The following ATF6 variants were observed in gnomAD, a reference collection of about 807,000 sequenced individuals.
ATF6 encodes cyclic AMP-dependent transcription factor ATF-6 alpha.
In ATF6, 53 loss-of-function variants were observed where a neutral mutation model predicts 83.6. The ratio of observed to expected loss-of-function variants is 0.63; its 90% CI spans 0.51 to 0.80. The LOEUF (loss-of-function observed/expected upper bound fraction) is 0.80, where lower values mean the gene tolerates loss of function less well. ATF6 is among the 30% of genes least tolerant of loss of function. ATF6 has a pLI of 0.00. For missense variants in ATF6, 744 were observed against 797.9 expected (o/e 0.93, Z 0.81); for synonymous variants, 288 against 285.8 (o/e 1.01, Z -0.08).
chr1:161,947,410 T>C (rs1688769134), intron 15 of ATF6, among the ~76,000 whole-genome samples: 1 of 152,222 alleles, frequency 6.6e-6, no homozygotes, highest in Non-Finnish European at 1.5e-5. Context: ...TGTTAAACTT[T>C]AGCCGGATTC....
chr1:161,880,535 C>T (rs1057365517), intron 14 of ATF6, among the ~76,000 whole-genome samples: 3 of 152,046 alleles, frequency 2.0e-5, no homozygotes, highest in African/African-American at 7.2e-5. Flanking sequence ...ATAAAGGGAT[C>T]TTAATTATAT....
chr1:161,814,296 ATTC>A, intron 7 of ATF6, among the ~76,000 whole-genome samples: 1 of 152,280 alleles, frequency 6.6e-6, no homozygotes, highest in Admixed American at 6.5e-5. Flanking sequence ...GGGTCCCTCT[ATTC>A]TTCAAGAGGC....
At chr1:161,831,219 G>T (rs1686052092) in intron 9 of ATF6, among the ~76,000 whole-genome samples, 1 of 152,232 alleles carries the variant, frequency 6.6e-6, no homozygotes, top group African/African-American at 2.4e-5. Flanking sequence ...GGCCATCAGA[G>T]AAATGCAAAT....
chr1:161,914,153 A>G (rs1342865768), intron 15 of ATF6, among the ~76,000 whole-genome samples: 1 of 152,208 alleles, frequency 6.6e-6, no homozygotes, highest in African/African-American at 2.4e-5. Context: ...TTCAAGAAAT[A>G]TTGATTGAAT....
chr1:161,828,692 T>C (rs1432544913), intron 9 of ATF6, among the ~76,000 whole-genome samples: 8 of 152,190 alleles, frequency 5.3e-5, no homozygotes, highest in Non-Finnish European at 7.3e-5. Flanking sequence ...GATAATTCTT[T>C]ACTCAAAGCC....
In ATF6 at chr1:161,958,552, C is replaced by A. The variant is rs1012667753; in HGVS notation, c.1911C>A (p.Leu637=). Residue 637 remains leucine (L), a synonymous_variant, in exon 16 of 16, where the codon CTC becomes CTA. Transcript: ENST00000367942. ...AAAGTTCGTCAGTTCCTCCTTACCT[C>A]CGAGATCAGCAGAGGAATCAAACCA... ...HIKSSSVPPY[L]RDQQRNQTNT... is the part of the protein sequence containing the mutation. 2 of 1,614,030 alleles carry A rather than the reference C, an allele frequency of 1.2e-6. No individual in the cohort carries two copies. The highest frequency in any genetic ancestry group is 2.7e-5 in the African/African-American group (2 of 74,920).
At chr1:161,850,112 C>G (rs1045240924) in intron 10 of ATF6, among the ~76,000 whole-genome samples, 3 of 152,102 alleles carry the variant, frequency 2.0e-5, no homozygotes, top group African/African-American at 7.2e-5. Flanking sequence ...CCTTTTGCCT[C>G]CATTGAGTCC....
chr1:161,767,076 T>A (rs1684281872), intron 1 of ATF6, among the ~76,000 whole-genome samples: 3 of 152,164 alleles, frequency 2.0e-5, no homozygotes, highest in Admixed American at 2.0e-4. Flanking sequence ...AAGGGTGGAA[T>A]GGGATGAAGT....
At chr1:161,822,804 G>A (rs1161544036) in intron 9 of ATF6, among the ~76,000 whole-genome samples, 4 of 152,164 alleles carry the variant, frequency 2.6e-5, no homozygotes, top group African/African-American at 9.7e-5. Flanking sequence ...AGGTGATTGT[G>A]TTAACATCTA....
Position 161,846,450 on chromosome 1 carries a change from A to ATG in ATF6, c.1191_1192dup (p.Leu398CysfsTer9). The ATG allele has an allele frequency of 6.3e-7, 1 of 1,596,854 alleles. No homozygotes were observed. The highest frequency in any genetic ancestry group is 1.7e-4 in the Middle Eastern group (1 of 5,956). ...TTATTTCCTGTTTTTTATTTTCAGC[A>ATG]TGTTGGAACAGGATTCCAGGAGAAT... On this transcript the variant is annotated frameshift_variant and splice_region_variant, in exon 10 of 16. Coordinates refer to ENST00000367942, the MANE Select transcript of ATF6 (RefSeq NM_007348.4). LOFTEE classifies it high-confidence loss of function.
chr1:161,859,124 A>AT (rs1383300037), intron 12 of ATF6, among the ~76,000 whole-genome samples: 1 of 151,920 alleles, frequency 6.6e-6, no homozygotes, highest in Non-Finnish European at 1.5e-5. Flanking sequence ...TTTATTGGTG[A>AT]TTTTTTTCAT....
intron 6 of ATF6, among the ~76,000 whole-genome samples, chr1:161,793,625 A>T (rs144785395): frequency 6.6e-6 from 1 of 152,360 alleles, no homozygotes; most frequent in Non-Finnish European, 1.5e-5. Flanking sequence ...TGTAGTTCCC[A>T]TAAGCTATTA....
rs1417700262 is a variant in ATF6 at position 161,962,549 on chromosome 1, T to C, written c.*3895T>C. The C allele has an allele frequency of 6.6e-6, 1 of 152,258 alleles. No homozygotes were observed. 9.4% of individuals were successfully genotyped at this position (152,258 alleles called of 1,614,324 possible). A position where few individuals can be genotyped will look rare whatever the true frequency, so the allele number is the denominator to read the frequency against. On this transcript the variant is annotated 3_prime_UTR_variant, in exon 16 of 16. Transcript: ENST00000367942. ...TACAGGAAAAACTTATAATTGTATT[T>C]GACTTTCTAACACATTGCAAAGTTT...
chr1:161,778,268 G>T lies in ATF6; in HGVS notation c.107G>T (p.Gly36Val). The T allele has an allele frequency of 1.2e-6, 2 of 1,613,572 alleles. No homozygotes were observed. ...GATTCTGCTCTCTTTGCTGAACTCG[G>T]TTATTTCACAGACACTGATGAGCTG... Reference protein sequence around the residue: ...DWDSALFAELGYFTDTDELQL... With the variant: ...DWDSALFAELVYFTDTDELQL... Residue 36 changes from glycine to valine, a missense_variant, in exon 2 of 16, where the codon GGT becomes GTT. Transcript: ENST00000367942.
At chr1:161,886,206 C>G (rs1687415304) in intron 14 of ATF6, among the ~76,000 whole-genome samples, 1 of 152,012 alleles carries the variant, frequency 6.6e-6, no homozygotes, top group Non-Finnish European at 1.5e-5. Context: ...GTAGTCAGTT[C>G]TAGGAAATAA....
chr1:161,766,339 C>T lies in ATF6; in HGVS notation c.-22C>T. ...CGTCCCAGATATTAATCACGGAGTT[C>T]CAGGGAGAAGGAACTTGTGAAATGG... On this transcript the variant is annotated 5_prime_UTR_variant, in exon 1 of 16. Transcript: ENST00000367942. 9 of 1,610,840 alleles carry T rather than the reference C, an allele frequency of 5.6e-6. No homozygotes were observed. Among genetic ancestry groups the T allele is most frequent in the Non-Finnish European group, 7.6e-6 (9 of 1,177,628 alleles).
intron 7 of ATF6, among the ~76,000 whole-genome samples, chr1:161,816,929 T>C (rs563813349): frequency 8.1e-4 from 123 of 152,366 alleles, no homozygotes; most frequent in African/African-American, 2.9e-3. Context: ...GATGGCTTGC[T>C]GAGATAAAAC....
At chr1:161,935,173 T>C (rs535724255) in intron 15 of ATF6, among the ~76,000 whole-genome samples, 4 of 152,210 alleles carry the variant, frequency 2.6e-5, no homozygotes, top group Non-Finnish European at 4.4e-5. Context: ...ATCCAGGGAA[T>C]GCAGAGAGAG....
At chr1:161,879,066 C>G (rs893656299) in intron 14 of ATF6, among the ~76,000 whole-genome samples, 16 of 152,028 alleles carry the variant, frequency 1.1e-4, no homozygotes, top group African/African-American at 3.9e-4. Flanking sequence ...ATTCAGATAA[C>G]AGGTGGAAGG....
Sources: gnomAD v4.1 joint callset for allele counts (sites outside exome capture counted in the v4.1 genomes callset) on GRCh38, gnomAD v4.1.1 for gene constraint, MANE v1.5 for transcripts, NCBI Gene and HGNC (gene_info 2026-07-23, HGNC 2026-07-21) for gene names.